MAP3K5: variants seen among roughly 807,000 people sequenced by gnomAD.
MAP3K5 encodes the protein mitogen-activated protein kinase kinase kinase 5.
In MAP3K5, 56 loss-of-function variants were observed where a neutral mutation model predicts 158.7. The ratio of observed to expected loss-of-function variants is 0.35; its 90% CI spans 0.28 to 0.44. The LOEUF (loss-of-function observed/expected upper bound fraction) is 0.44, where lower values mean the gene tolerates loss of function less well. Among genes scored for constraint, MAP3K5 ranks in the 20% least tolerant of loss-of-function variants. MAP3K5 has a pLI of 1.00. For missense variants in MAP3K5, 1,294 were observed against 1,674.8 expected (o/e 0.77, Z 3.97); for synonymous variants, 579 against 601.7 (o/e 0.96, Z 0.55).
chr6:136,667,609 G>T (rs998755072), intron 8 of MAP3K5, among the ~76,000 whole-genome samples: 4 of 152,012 alleles, frequency 2.6e-5, no homozygotes, highest in South Asian at 2.1e-4. Flanking sequence ...AAATAAAATA[G>T]CAGAGGTTTT....
At chr6:136,682,825 T>C (rs1779990933) in intron 7 of MAP3K5, among the ~76,000 whole-genome samples, 1 of 152,148 alleles carries the variant, frequency 6.6e-6, no homozygotes, top group Non-Finnish European at 1.5e-5. Context: ...CTATCCTACA[T>C]GGTGCCACAA....
Position 136,558,829 on chromosome 6 carries a change from T to C in MAP3K5, c.4035A>G (p.Thr1345=), listed in dbSNP as rs1830370732. 1 of 1,605,530 alleles carries C rather than the reference T, an allele frequency of 6.2e-7. No individual in the cohort carries two copies. Among genetic ancestry groups the C allele is most frequent in the Non-Finnish European group, 8.5e-7 (1 of 1,172,522 alleles). Residue 1345 remains threonine (T), a synonymous_variant, in exon 29 of 30, where the codon ACA becomes ACG. Coordinates refer to ENST00000359015, the MANE Select transcript of MAP3K5 (RefSeq NM_005923.4). ...YTLLDVLYYV[T]RDDLKCLRLR... The stretch of plus-strand genomic sequence containing the variant: ...GTCTCAAGCATTTTAAGTCATCACG[T>C]GTAACATAGTAGAGAACATCCAATA...
At chr6:136,587,766 G>A (rs1055534809) in intron 23 of MAP3K5, among the ~76,000 whole-genome samples, 5 of 152,222 alleles carry the variant, frequency 3.3e-5, no homozygotes, top group African/African-American at 1.2e-4. Flanking sequence ...CTCACTGGTA[G>A]CTTCATGCTG....
intron 1 of MAP3K5, among the ~76,000 whole-genome samples, chr6:136,765,090 A>T (rs1166836653): frequency 6.6e-6 from 1 of 152,208 alleles, no homozygotes; most frequent in African/African-American, 2.4e-5. Flanking sequence ...AGATTCCCCC[A>T]ATCAAATGTA....
intron 11 of MAP3K5, chr6:136,648,032 G>C (rs1002072412): frequency 3.3e-5 from 5 of 152,182 alleles, no homozygotes; most frequent in Non-Finnish European, 7.3e-5. Flanking sequence ...TGTTAGAAAT[G>C]TTGCTGATGG....
At chr6:136,623,041 A>G in intron 14 of MAP3K5, 60 bp from the exon 15 acceptor site, 1 of 1,557,086 alleles carries the variant, frequency 6.4e-7, no homozygotes, top group Admixed American at 1.7e-5. Flanking sequence ...CATTTCAAAC[A>G]TCAAATTTTT....
At chr6:136,594,599 C>A (rs1775539812) in intron 21 of MAP3K5, among the ~76,000 whole-genome samples, 1 of 152,186 alleles carries the variant, frequency 6.6e-6, no homozygotes, top group Admixed American at 6.5e-5. Context: ...ACAAGCCCTG[C>A]AGTGGAACTC....
intron 3 of MAP3K5, among the ~76,000 whole-genome samples, chr6:136,703,309 G>A (rs1023464401): frequency 3.3e-5 from 5 of 152,228 alleles, no homozygotes; most frequent in Admixed American, 3.3e-4. Flanking sequence ...GGCTAGGCAG[G>A]ATGGACTTCT....
chr6:136,590,611 G>A (rs1422325950), intron 23 of MAP3K5, among the ~76,000 whole-genome samples: 1 of 151,296 alleles, frequency 6.6e-6, no homozygotes, highest in African/African-American at 2.4e-5. Context: ...CGCGATCTCA[G>A]CTCACTGCAA....
intron 1 of MAP3K5, among the ~76,000 whole-genome samples, chr6:136,771,345 G>A (rs1383459702): frequency 6.6e-6 from 1 of 152,152 alleles, no homozygotes; most frequent in Non-Finnish European, 1.5e-5. Flanking sequence ...CTTGACTCCA[G>A]AGGTGGGGCT....
rs376522770 is a variant in MAP3K5 at position 136,757,575 on chromosome 6, A to T, written c.448+34135T>A. ...GAGAACTCATTTTATAGATTTATTT[A>T]TTTATTTTTTATTTTTTTTTTTTTT... is the stretch of plus-strand genomic sequence containing the variant. On this transcript the variant is annotated intron_variant, in intron 1 of 29. Coordinates refer to ENST00000359015, the MANE Select transcript of MAP3K5 (RefSeq NM_005923.4). 1.5e-3 allele frequency among the ~76,000 whole-genome samples: 162 copies of T among 111,300 alleles called. 2 individuals carry two copies. Among genetic ancestry groups the T allele is most frequent in the African/African-American group, 8.6e-4 (26 of 30,386 alleles). 73.0% of individuals were successfully genotyped at this position (111,300 alleles called of 152,430 possible). A position where few individuals can be genotyped will look rare whatever the true frequency, so the allele number is the denominator to read the frequency against.
intron 1 of MAP3K5, among the ~76,000 whole-genome samples, chr6:136,748,049 A>C (rs1009141383): frequency 6.6e-6 from 1 of 152,154 alleles, no homozygotes; most frequent in African/African-American, 2.4e-5. Flanking sequence ...AAAAAAACAA[A>C]ATTTCCATTT....
rs76989955 is a variant in MAP3K5 at position 136,697,112 on chromosome 6, G to A, written c.975+107C>T. On this transcript the variant is annotated intron_variant, in intron 5 of 29. Coordinates refer to ENST00000359015, the MANE Select transcript of MAP3K5 (RefSeq NM_005923.4). ...CTTAAGAGAGTCAATAAAAAATTAC[G>A]TGTAGTAACATGAACTGCTTACCAG... The A allele has an allele frequency of 8.4e-3, 6,774 of 803,964 alleles. 312 individuals carry two copies. The African/African-American group carries it at 0.1, about 12-fold the overall frequency. The allele number at this position is 803,964 out of a possible 1,614,324, so 49.8% of individuals were successfully genotyped here.
chr6:136,666,641 C>G (rs1779241539), intron 8 of MAP3K5, among the ~76,000 whole-genome samples: 1 of 152,062 alleles, frequency 6.6e-6, no homozygotes, highest in Non-Finnish European at 1.5e-5. Flanking sequence ...ATTTATTTAA[C>G]CAACTTGTCT....
intron 1 of MAP3K5, among the ~76,000 whole-genome samples, chr6:136,764,351 T>A (rs1452531372): frequency 6.6e-6 from 1 of 152,210 alleles, no homozygotes; most frequent in African/African-American, 2.4e-5. Context: ...AGCTTCCATG[T>A]CCTTCTTCTT....
chr6:136,599,503 C>T (rs999705685), intron 21 of MAP3K5, among the ~76,000 whole-genome samples: 3 of 151,764 alleles, frequency 2.0e-5, no homozygotes, highest in Admixed American at 2.0e-4. Context: ...CTCTCTCTCT[C>T]ATATATGCAC....
chr6:136,760,277 T>C (rs1304133728), intron 1 of MAP3K5, among the ~76,000 whole-genome samples: 1 of 152,172 alleles, frequency 6.6e-6, no homozygotes, highest in African/African-American at 2.4e-5. Flanking sequence ...TCTACAATTT[T>C]TTTTCCTTAT....
At chr6:136,567,496 CTT>C in intron 26 of MAP3K5, 133 bp downstream of exon 26, 1 of 936,800 alleles carries the variant, frequency 1.1e-6, no homozygotes, top group Non-Finnish European at 1.6e-6. Flanking sequence ...CTAAACTTCT[CTT>C]GTTTTATAAA....
intron 27 of MAP3K5, 105 bp downstream of exon 27, chr6:136,562,398 G>A: frequency 3.7e-6 from 2 of 542,176 alleles, no homozygotes; most frequent in South Asian, 3.6e-5. Context: ...CATGGTAGAA[G>A]TGAGAAATGC....
Sources: allele counts gnomAD v4.1 joint callset (sites outside exome capture counted in the v4.1 genomes callset), GRCh38; gene constraint gnomAD v4.1.1; transcripts MANE v1.5; gene names NCBI Gene and HGNC (gene_info 2026-07-23, HGNC 2026-07-21).